Variants in CNNM2 observed in about 807,000 individuals in gnomAD.
CNNM2 encodes metal transporter CNNM2.
In CNNM2, 12 loss-of-function variants were observed where a neutral mutation model predicts 66.9. The observed-to-expected ratio is 0.18, with a 90% confidence interval of 0.11 to 0.29. The LOEUF (loss-of-function observed/expected upper bound fraction) is 0.29, where lower values mean the gene tolerates loss of function less well. CNNM2 is among the 10% of genes least tolerant of loss of function. CNNM2 has a pLI of 1.00. For synonymous variants in CNNM2, 557 were observed against 501.8 expected (o/e 1.11, Z -1.47); for missense variants, 705 against 1,167.7 (o/e 0.60, Z 5.77).
intron 4 of CNNM2, among the ~76,000 whole-genome samples, chr10:103,059,049 C>T (rs762718761): frequency 2.0e-5 from 3 of 152,188 alleles, no homozygotes; most frequent in Non-Finnish European, 2.9e-5. Flanking sequence ...TCTTGGCTCA[C>T]CGCAACCTCT....
At chr10:103,033,788 C>G (rs2064876267) in intron 1 of CNNM2, among the ~76,000 whole-genome samples, 1 of 152,240 alleles carries the variant, frequency 6.6e-6, no homozygotes, top group Non-Finnish European at 1.5e-5. Flanking sequence ...CCCAGCCCTT[C>G]TACACATTTT....
chr10:102,947,683 G>GGAGGTTGCAGTGAGCT (rs1274810936), intron 1 of CNNM2, among the ~76,000 whole-genome samples: 52 of 152,244 alleles, frequency 3.4e-4, no homozygotes, highest in African/African-American at 1.1e-3. Flanking sequence ...TCTGGGAGAT[G>GGAGGTTGCAGTGAGCT]GAGGTTGCAG....
intron 1 of CNNM2, among the ~76,000 whole-genome samples, chr10:102,954,788 A>G (rs1383764845): frequency 6.6e-6 from 1 of 152,188 alleles, no homozygotes; most frequent in Non-Finnish European, 1.5e-5. Flanking sequence ...TGGGGACTTC[A>G]AGGGGACTTC....
At chr10:102,966,063 C>G (rs1299809974) in intron 1 of CNNM2, among the ~76,000 whole-genome samples, 1 of 152,104 alleles carries the variant, frequency 6.6e-6, no homozygotes, top group Non-Finnish European at 1.5e-5. Context: ...GCTGTATTTC[C>G]TTATGTCTGG....
chr10:103,071,118 C>G (rs574082105), intron 5 of CNNM2, among the ~76,000 whole-genome samples: 1 of 152,200 alleles, frequency 6.6e-6, no homozygotes, highest in East Asian at 1.9e-4. Context: ...CGACAATAAT[C>G]AGTTCTTAAG....
chr10:103,003,675 T>C (rs1191062103), intron 1 of CNNM2, among the ~76,000 whole-genome samples: 2 of 151,774 alleles, frequency 1.3e-5, no homozygotes, highest in African/African-American at 4.8e-5. Context: ...AATACAAAAA[T>C]TAGCCGGAAA....
intron 1 of CNNM2, among the ~76,000 whole-genome samples, chr10:102,953,208 C>T (rs538309111): frequency 3.3e-5 from 5 of 152,226 alleles, no homozygotes; most frequent in Non-Finnish European, 7.4e-5. Context: ...TTACTTAAAA[C>T]TTATAATCTA....
chr10:102,921,105 A>G (rs1413880355), intron 1 of CNNM2: 1 of 922,198 alleles, frequency 1.1e-6, no homozygotes, highest in Non-Finnish European at 1.3e-6. Context: ...GTTTGACCAT[A>G]TAATGAACAG....
chr10:102,951,969 A>T (rs1846853322), intron 1 of CNNM2, among the ~76,000 whole-genome samples: 2 of 152,004 alleles, frequency 1.3e-5, no homozygotes, highest in African/African-American at 4.8e-5. Context: ...ACACCCGGCT[A>T]ATTTTGTATT....
chr10:102,973,438 A>G (rs915684192), intron 1 of CNNM2, among the ~76,000 whole-genome samples: 6 of 151,766 alleles, frequency 4.0e-5, no homozygotes, highest in Non-Finnish European at 7.4e-5. Flanking sequence ...ATGCCACCAC[A>G]CTCAGCTAAT....
At chr10:103,002,284 A>G (rs1036708531) in intron 1 of CNNM2, among the ~76,000 whole-genome samples, 1 of 152,174 alleles carries the variant, frequency 6.6e-6, no homozygotes, top group African/African-American at 2.4e-5. Flanking sequence ...TAAAAAGACA[A>G]TCCAATTTAA....
chr10:103,034,013 A>AT lies in CNNM2; in HGVS notation c.1622-15683dup, dbSNP rs998732852. Among the ~76,000 whole-genome samples, 901 of 147,176 alleles carry AT rather than the reference A, an allele frequency of 6.1e-3. 7 individuals carry two copies. The highest frequency in any genetic ancestry group is 0.02 in the African/African-American group (808 of 40,468). The stretch of plus-strand genomic sequence containing the variant: ...GACCTTGAAATATTTTCACCCTTTC[A>AT]TTTTTTTTTTTGAAGTTTATCATAT... On this transcript the variant is annotated intron_variant, in intron 1 of 7. Transcript: ENST00000369878.
At position 103,085,191 on chromosome 10, in the gene CNNM2, G is replaced by A. The variant is rs2065792959; in HGVS notation, c.*8011G>A. 1 of 152,174 alleles carries A rather than the reference G, an allele frequency of 6.6e-6. No individual in the cohort carries two copies. Among genetic ancestry groups the A allele is most frequent in the African/African-American group, 2.4e-5 (1 of 41,434 alleles). 9.4% of individuals were successfully genotyped at this position (152,174 alleles called of 1,614,324 possible). On this transcript the variant is annotated 3_prime_UTR_variant, in exon 8 of 8. Coordinates refer to ENST00000369878, the MANE Select transcript of CNNM2 (RefSeq NM_017649.5). ...GTCAGGGTATTAGTGACTGTGCAGT[G>A]TTCAAACAGGAGGCCAACACATGAT...
At chr10:103,003,053 A>G (rs1037684885) in intron 1 of CNNM2, among the ~76,000 whole-genome samples, 9 of 151,990 alleles carry the variant, frequency 5.9e-5, no homozygotes, top group Admixed American at 2.6e-4. Context: ...TATCCATGCT[A>G]TGGACTATTA....
chr10:102,938,729 T>A (rs1846329506), intron 1 of CNNM2, among the ~76,000 whole-genome samples: 1 of 151,854 alleles, frequency 6.6e-6, no homozygotes, highest in Non-Finnish European at 1.5e-5. Flanking sequence ...TACTTACAGA[T>A]GGCATTGCTC....
At chr10:102,948,188 T>C (rs556023515) in intron 1 of CNNM2, among the ~76,000 whole-genome samples, 1 of 152,360 alleles carries the variant, frequency 6.6e-6, no homozygotes, top group African/African-American at 2.4e-5. Context: ...AACAAGATTG[T>C]TGTTGTCTTC....
At chr10:103,036,652 C>T (rs2134310670) in intron 1 of CNNM2, among the ~76,000 whole-genome samples, 1 of 152,340 alleles carries the variant, frequency 6.6e-6, no homozygotes, top group African/African-American at 2.4e-5. Flanking sequence ...CTGCTGTATA[C>T]CTCACCCAGG....
At chr10:103,066,452 G>A (rs951522255) in intron 4 of CNNM2, among the ~76,000 whole-genome samples, 2 of 152,096 alleles carry the variant, frequency 1.3e-5, no homozygotes, top group African/African-American at 4.8e-5. Flanking sequence ...CCAGGCCTGT[G>A]GCTGCCACCC....
chr10:102,922,644 G>A (rs2134155284), intron 1 of CNNM2, among the ~76,000 whole-genome samples: 1 of 152,248 alleles, frequency 6.6e-6, no homozygotes, highest in Middle Eastern at 3.4e-3. Flanking sequence ...AGATCTCATT[G>A]AAAATTATCC....
Sources: allele counts gnomAD v4.1 joint callset (sites outside exome capture counted in the v4.1 genomes callset), GRCh38; gene constraint gnomAD v4.1.1; transcripts MANE v1.5; gene names NCBI Gene and HGNC (gene_info 2026-07-23, HGNC 2026-07-21).